CFAP54: variants seen among roughly 807,000 people sequenced by gnomAD.
CFAP54 encodes the protein cilia and flagella associated protein 54.
In CFAP54, 290 loss-of-function variants were observed where a neutral mutation model predicts 370.4. The ratio of observed to expected loss-of-function variants is 0.78; its 90% confidence interval spans 0.71 to 0.86. The LOEUF is 0.86. CFAP54 is among the 40% of genes least tolerant of loss of function. The probability of loss-of-function intolerance (pLI) is 0.00; values close to 1 mark genes in which losing one functional copy is unlikely to be tolerated. For missense variants in CFAP54, 3,399 were observed against 3,528.7 expected, an observed-to-expected ratio of 0.96 and a Z score of 0.93; for synonymous variants, 1,206 against 1,236.5, an observed-to-expected ratio of 0.98 and a Z score of 0.52.
intron 66 of CFAP54, among the ~76,000 whole-genome samples, chr12:96,848,342 G>A (rs886443906): frequency 2.0e-5 from 3 of 152,008 alleles, no homozygotes; most frequent in African/African-American, 7.3e-5. Context: ...TCCAAAATGC[G>A]TTACAGGCGT....
At chr12:96,648,778 CG>C (rs1040045326) in intron 34 of CFAP54, among the ~76,000 whole-genome samples, 35 of 151,636 alleles carry the variant, frequency 2.3e-4, no homozygotes, top group African/African-American at 8.5e-4. Context: ...TTAGTAAAGA[CG>C]GGGTTTCACT....
In CFAP54 at chr12:96,811,837, G is replaced by A; in HGVS notation, c.8952G>A (p.Leu2984=). The change falls in exon 64 of 68, where the codon CTG becomes CTA. Residue 2984 remains leucine, a synonymous_variant. Transcript: ENST00000524981. The stretch of plus-strand genomic sequence containing the variant: ...GTGTTGGCTCTTTATGGATTCCACT[G>A]AATAGGCAAGTAAAAATTCCACAAC... The part of the protein sequence containing the change: ...STCVGSLWIP[L]NRVIAIHEKL... The A allele has an allele frequency of 6.8e-7, 1 of 1,468,256 alleles. No homozygotes were observed. 91.0% of individuals were successfully genotyped at this position (1,468,256 alleles called of 1,614,324 possible).
intron 39 of CFAP54, among the ~76,000 whole-genome samples, chr12:96,677,362 A>G (rs549576880): frequency 1.3e-5 from 2 of 152,336 alleles, no homozygotes; most frequent in East Asian, 3.9e-4. Flanking sequence ...GTAATTTCTC[A>G]TAGCAGTTTC....
chr12:96,583,346 C>T (rs2136427469), intron 22 of CFAP54, among the ~76,000 whole-genome samples: 1 of 152,088 alleles, frequency 6.6e-6, no homozygotes, highest in Non-Finnish European at 1.5e-5. Context: ...AATCTGTGAG[C>T]AGGATTCTGA....
At chr12:96,742,312 C>A in intron 51 of CFAP54, 127 bp from the exon 52 acceptor site, 1 of 622,454 alleles carries the variant, frequency 1.6e-6, no homozygotes, top group Non-Finnish European at 2.6e-6. Context: ...AGAATCATTT[C>A]TAAATTTAAA....
At chr12:96,689,298 C>T (rs1035632734) in intron 43 of CFAP54, among the ~76,000 whole-genome samples, 1 of 152,010 alleles carries the variant, frequency 6.6e-6, no homozygotes, top group South Asian at 2.1e-4. Context: ...GTGGCTGGGA[C>T]TACAGGCGCG....
chr12:96,696,364 G>A (rs974029791), intron 45 of CFAP54, among the ~76,000 whole-genome samples: 1 of 152,154 alleles, frequency 6.6e-6, no homozygotes, highest in African/African-American at 2.4e-5. Context: ...TGTGTAACAT[G>A]TACAGTCTGG....
intron 8 of CFAP54, among the ~76,000 whole-genome samples, chr12:96,525,557 T>C (rs1592831795): frequency 6.6e-6 from 1 of 152,202 alleles, no homozygotes; most frequent in South Asian, 2.1e-4. Context: ...TCATTTTGAA[T>C]ACTTCTAATT....
chr12:96,684,937 G>A lies in CFAP54; in HGVS notation c.5805-92G>A, dbSNP rs545726504. Reference sequence around the variant, plus strand: ...TATAGTTATACGTATGTTAATTGACGTTGCTTCGGTGTATTTGCTTTCCCT... The same window carrying A: ...TATAGTTATACGTATGTTAATTGACATTGCTTCGGTGTATTTGCTTTCCCT... On this transcript the variant is annotated intron_variant, in intron 41 of 67. Coordinates refer to ENST00000524981, the MANE Select transcript of CFAP54 (RefSeq NM_001306084.2). The A allele has an allele frequency of 6.6e-5, 80 of 1,204,058 alleles. 1 individual carries two copies. In the South Asian group the frequency reaches 7.7e-4, roughly 12 times the overall value. The allele number at this position is 1,204,058 out of a possible 1,614,324, so 74.6% of individuals were successfully genotyped here. A position where few individuals can be genotyped will look rare whatever the true frequency, so the allele number is the denominator to read the frequency against.
intron 8 of CFAP54, among the ~76,000 whole-genome samples, chr12:96,522,479 G>T (rs940100015): frequency 2.6e-5 from 4 of 152,208 alleles, no homozygotes; most frequent in Non-Finnish European, 5.9e-5. Context: ...AAATGAATAG[G>T]CCTCTGAGTG....
At chr12:96,865,765 A>T (rs542183122) in intron 67 of CFAP54, among the ~76,000 whole-genome samples, 30 of 152,244 alleles carry the variant, frequency 2.0e-4, no homozygotes, top group African/African-American at 7.0e-4. Flanking sequence ...AATAAATTGA[A>T]CTATGATTCT....
intron 4 of CFAP54, among the ~76,000 whole-genome samples, chr12:96,511,687 T>C (rs2136358037): frequency 6.6e-6 from 1 of 152,330 alleles, no homozygotes; most frequent in African/African-American, 2.4e-5. Flanking sequence ...TTTCTCCATG[T>C]TGGCCAGGCT....
At chr12:96,766,724 TA>T (rs1337681378) in intron 60 of CFAP54, among the ~76,000 whole-genome samples, 1 of 152,180 alleles carries the variant, frequency 6.6e-6, no homozygotes, top group East Asian at 1.9e-4. Flanking sequence ...AAACTTCCAA[TA>T]TGGCTATTTC....
chr12:96,519,104 T>G, intron 6 of CFAP54, 33 bp downstream of exon 6: 1 of 1,389,694 alleles, frequency 7.2e-7, no homozygotes, highest in Non-Finnish European at 9.6e-7. Context: ...GGAGTCGAGT[T>G]TTTTTTTTTT....
At position 96,817,081 on chromosome 12, in the gene CFAP54, CG is replaced by C. The variant is rs545451501; in HGVS notation, c.8958-692del. ...GTCATAATTCTTACCTGCAGGTCAGCGGATAGTCAGAGCATGGCATTAAGAC... is the reference window on the plus strand; with the variant it reads ...GTCATAATTCTTACCTGCAGGTCAGCGATAGTCAGAGCATGGCATTAAGAC... On this transcript the variant is annotated intron_variant, in intron 64 of 67. Coordinates refer to ENST00000524981, the MANE Select transcript of CFAP54 (RefSeq NM_001306084.2). Among the ~76,000 whole-genome samples, 926 of 152,312 alleles carry C rather than the reference CG, an allele frequency of 6.1e-3. 13 individuals are homozygous for C. The highest frequency in any genetic ancestry group is 0.021 in the African/African-American group (885 of 41,568).
chr12:96,664,811 A>ATATATC (rs1257809713), intron 39 of CFAP54, among the ~76,000 whole-genome samples: 1 of 24,736 alleles, frequency 4.0e-5, no homozygotes, highest in Non-Finnish European at 7.5e-5. Flanking sequence ...ATATATATAT[A>ATATATC]TAGATATATA....
At chr12:96,628,809 C>T (rs953782175) in intron 30 of CFAP54, among the ~76,000 whole-genome samples, 6 of 152,074 alleles carry the variant, frequency 3.9e-5, no homozygotes, top group African/African-American at 9.7e-5. Context: ...AGGCTTACCC[C>T]GTCTTGTCAT....
chr12:96,760,533 G>A (rs1342950439), intron 58 of CFAP54, among the ~76,000 whole-genome samples: 2 of 152,078 alleles, frequency 1.3e-5, no homozygotes, highest in Non-Finnish European at 2.9e-5. Flanking sequence ...GAATGATAGA[G>A]TTTATTTAAG....
intron 22 of CFAP54, among the ~76,000 whole-genome samples, chr12:96,583,985 T>C (rs938747226): frequency 1.3e-5 from 2 of 152,202 alleles, no homozygotes; most frequent in Admixed American, 6.5e-5. Context: ...ATGATCTGTA[T>C]TGGCAGTAGA....
Sources: allele counts gnomAD v4.1 joint callset (sites outside exome capture counted in the v4.1 genomes callset), GRCh38; gene constraint gnomAD v4.1.1; transcripts MANE v1.5; gene names NCBI Gene and HGNC (gene_info 2026-07-23, HGNC 2026-07-21).